The following AKAP13 variants were observed in gnomAD, a reference collection of about 807,000 sequenced individuals.
The protein encoded by AKAP13 is A-kinase anchoring protein 13.
In AKAP13, 80 loss-of-function variants were observed where a neutral mutation model predicts 264.5. The observed-to-expected ratio is 0.30, with a 90% CI of 0.25 to 0.36. AKAP13 has a LOEUF of 0.36. Among genes scored for constraint, AKAP13 ranks in the 10% least tolerant of loss-of-function variants. The probability of loss-of-function intolerance (pLI) is 1.00; values close to 1 mark genes in which losing one functional copy is unlikely to be tolerated. For synonymous variants in AKAP13, 1,380 were observed against 1,250.2 expected (o/e 1.10, Z -2.19); for missense variants, 3,712 against 3,435.2 (o/e 1.08, Z -2.01).
chr15:85,593,499 G>A (rs925680600), intron 8 of AKAP13, among the ~76,000 whole-genome samples: 69 of 151,056 alleles, frequency 4.6e-4, no homozygotes, highest in Admixed American at 1.3e-4. Flanking sequence ...CTCCCAAGGT[G>A]CAGGATTACA....
chr15:85,403,326 C>G (rs2071512383), intron 1 of AKAP13, among the ~76,000 whole-genome samples: 1 of 152,138 alleles, frequency 6.6e-6, no homozygotes, highest in Middle Eastern at 3.2e-3. Context: ...ATGGTGGTAC[C>G]TAATGCAAGG....
At chr15:85,648,731 C>G (rs1019965379) in intron 10 of AKAP13, among the ~76,000 whole-genome samples, 2 of 152,168 alleles carry the variant, frequency 1.3e-5, no homozygotes, top group Non-Finnish European at 2.9e-5. Flanking sequence ...CCCAGCTATT[C>G]AGGAGGCTGA....
chr15:85,569,895 G>A (rs1403122391), intron 5 of AKAP13, among the ~76,000 whole-genome samples: 2 of 151,622 alleles, frequency 1.3e-5, no homozygotes, highest in Admixed American at 6.6e-5. Context: ...GGCTAACATG[G>A]TGAAACCCCG....
chr15:85,563,865 C>A (rs146188609), intron 5 of AKAP13, among the ~76,000 whole-genome samples: 2 of 152,326 alleles, frequency 1.3e-5, no homozygotes, highest in African/African-American at 4.8e-5. Context: ...AGGACTGTTA[C>A]ATTTTTTATA....
At chr15:85,473,679 A>G (rs2075047189) in intron 1 of AKAP13, among the ~76,000 whole-genome samples, 1 of 152,208 alleles carries the variant, frequency 6.6e-6, no homozygotes. Flanking sequence ...TCCCATGTCA[A>G]CTGAAGAATG....
At chr15:85,663,445 A>G (rs535248040) in intron 12 of AKAP13, among the ~76,000 whole-genome samples, 12 of 152,346 alleles carry the variant, frequency 7.9e-5, no homozygotes, top group African/African-American at 2.9e-4. Flanking sequence ...ATAGAGTTAT[A>G]TGGCTTCAGT....
intron 1 of AKAP13, among the ~76,000 whole-genome samples, chr15:85,399,481 C>A (rs7172791): frequency 1.6e-5 from 2 of 126,196 alleles, no homozygotes; most frequent in East Asian, 4.6e-4. Context: ...CCGGCCTGGG[C>A]GACAGAGCGA....
intron 35 of AKAP13, 150 bp from the exon 36 acceptor site, chr15:85,743,342 T>C: frequency 2.7e-6 from 2 of 735,310 alleles, no homozygotes; most frequent in Non-Finnish European, 4.4e-6. Context: ...TCAAGCTCTA[T>C]GCAGTCCACA....
At chr15:85,678,595 C>T (rs1021778898) in intron 14 of AKAP13, among the ~76,000 whole-genome samples, 5 of 152,214 alleles carry the variant, frequency 3.3e-5, no homozygotes, top group African/African-American at 1.2e-4. Context: ...GGTGCAGTGG[C>T]TCACACCTCT....
intron 17 of AKAP13, among the ~76,000 whole-genome samples, chr15:85,707,479 G>A (rs550880282): frequency 9.9e-5 from 15 of 152,284 alleles, no homozygotes; most frequent in Admixed American, 5.2e-4. Context: ...AAAGCCCAGC[G>A]TAGTTAAGCT....
intron 14 of AKAP13, among the ~76,000 whole-genome samples, chr15:85,678,636 C>T (rs1221210341): frequency 6.6e-6 from 1 of 151,878 alleles, no homozygotes; most frequent in African/African-American, 2.4e-5. Context: ...CCGAGGCGGG[C>T]GGATCACTTG....
intron 2 of AKAP13, among the ~76,000 whole-genome samples, chr15:85,491,508 T>A (rs1340142789): frequency 2.7e-5 from 4 of 146,446 alleles, no homozygotes; most frequent in Admixed American, 2.1e-4. Flanking sequence ...TATTATATAT[T>A]ATATATTATA....
intron 8 of AKAP13, among the ~76,000 whole-genome samples, chr15:85,613,370 C>T (rs1377460762): frequency 2.0e-5 from 3 of 152,010 alleles, no homozygotes; most frequent in Non-Finnish European, 4.4e-5. Flanking sequence ...GCTGATAGAC[C>T]AGCATTTTAC....
intron 15 of AKAP13, among the ~76,000 whole-genome samples, chr15:85,683,240 A>C (rs1025988384): frequency 1.3e-5 from 2 of 152,188 alleles, no homozygotes; most frequent in African/African-American, 4.8e-5. Flanking sequence ...TTAAAAACAG[A>C]CTGCTGTATT....
At chr15:85,431,153 C>G (rs908314025) in intron 1 of AKAP13, among the ~76,000 whole-genome samples, 1 of 152,166 alleles carries the variant, frequency 6.6e-6, no homozygotes, top group African/African-American at 2.4e-5. Context: ...CTCAGACATT[C>G]ACAGTGATGG....
chr15:85,447,125 G>A (rs1466461353), intron 1 of AKAP13, among the ~76,000 whole-genome samples: 1 of 152,052 alleles, frequency 6.6e-6, no homozygotes, highest in Non-Finnish European at 1.5e-5. Flanking sequence ...AAATTAGCTG[G>A]GCGTGGTGGT....
chr15:85,596,095 A>G (rs2079814291), intron 8 of AKAP13, among the ~76,000 whole-genome samples: 1 of 152,242 alleles, frequency 6.6e-6, no homozygotes, highest in South Asian at 2.1e-4. Flanking sequence ...TTAAGTGTAC[A>G]TATGAAGTCT....
chr15:85,433,792 T>C (rs1436827523), intron 1 of AKAP13, among the ~76,000 whole-genome samples: 2 of 150,952 alleles, frequency 1.3e-5, no homozygotes, highest in African/African-American at 2.4e-5. Flanking sequence ...AATATAAAAA[T>C]TAGTTGGGCA....
At chr15:85,685,447 A>G (rs1345014746) in intron 16 of AKAP13, 3 of 150,484 alleles carry the variant, frequency 2.0e-5, no homozygotes, top group African/African-American at 4.9e-5. Flanking sequence ...AAGAGATTAA[A>G]TAAATGTTTA....
Sources: allele counts gnomAD v4.1 joint callset (sites outside exome capture counted in the v4.1 genomes callset), GRCh38; gene constraint gnomAD v4.1.1; transcripts MANE v1.5; gene names NCBI Gene and HGNC (gene_info 2026-07-23, HGNC 2026-07-21).